Variants in ERBB4 observed in about 807,000 individuals in gnomAD.
The protein encoded by ERBB4 is receptor tyrosine-protein kinase erbB-4.
ERBB4 carries 42 observed loss-of-function variants against 158.0 expected under a neutral mutation model. The ratio of observed to expected loss-of-function variants is 0.27; its 90% CI spans 0.21 to 0.34. The LOEUF is 0.34. ERBB4 is among the 10% of genes least tolerant of loss of function. The pLI is 1.00. For missense variants in ERBB4, 1,333 were observed against 1,624.1 expected (o/e 0.82, Z 3.08); for synonymous variants, 583 against 558.7 (o/e 1.04, Z -0.61).
At chr2:211,491,543 A>C (rs2065343358) in intron 20 of ERBB4, among the ~76,000 whole-genome samples, 1 of 152,062 alleles carries the variant, frequency 6.6e-6, no homozygotes, top group South Asian at 2.1e-4. Flanking sequence ...CTCCATTCTA[A>C]TTATAAAACT....
At chr2:211,567,064 C>T (rs1407412153) in intron 19 of ERBB4, among the ~76,000 whole-genome samples, 1 of 152,180 alleles carries the variant, frequency 6.6e-6, no homozygotes, top group East Asian at 1.9e-4. Context: ...GCAATAACAT[C>T]TAATAATTAT....
chr2:211,454,311 T>A (rs2064325530), intron 20 of ERBB4, among the ~76,000 whole-genome samples: 1 of 152,214 alleles, frequency 6.6e-6, no homozygotes, highest in Non-Finnish European at 1.5e-5. Flanking sequence ...CTATTAATCC[T>A]TAAGAGCTTA....
chr2:211,540,579 T>C (rs2066778147), intron 20 of ERBB4, among the ~76,000 whole-genome samples: 2 of 151,878 alleles, frequency 1.3e-5, no homozygotes. Context: ...TTTTGTTTTT[T>C]TGGAGACAGA....
intron 20 of ERBB4, among the ~76,000 whole-genome samples, chr2:211,431,857 C>T (rs1160610751): frequency 1.3e-5 from 2 of 152,004 alleles, no homozygotes; most frequent in Non-Finnish European, 2.9e-5. Flanking sequence ...AGCTGGCTCT[C>T]CTCACAATAC....
intron 3 of ERBB4, among the ~76,000 whole-genome samples, chr2:211,889,568 C>T (rs947249211): frequency 3.8e-4 from 58 of 151,334 alleles, no homozygotes; most frequent in African/African-American, 7.3e-4. Context: ...ATGACTTTGA[C>T]GAGCTGAGAG....
chr2:211,568,516 G>T, intron 19 of ERBB4, among the ~76,000 whole-genome samples: 1 of 152,062 alleles, frequency 6.6e-6, no homozygotes, highest in East Asian at 1.9e-4. Flanking sequence ...AAGACAAAAG[G>T]GAAGAAACAA....
intron 16 of ERBB4, 140 bp downstream of exon 16, chr2:211,657,614 T>C: frequency 1.4e-6 from 1 of 731,048 alleles, no homozygotes; most frequent in Non-Finnish European, 2.5e-6. Flanking sequence ...GAAAGTGTTT[T>C]ATGCCTCTTT....
At chr2:211,729,948 G>T (rs7426163) in intron 5 of ERBB4, among the ~76,000 whole-genome samples, 4,235 of 151,882 alleles carry the variant, frequency 0.028, 259 homozygotes, top group East Asian at 0.19. Flanking sequence ...AAACTGGGAC[G>T]TTAAACTTCT....
chr2:211,700,679 A>T (rs976479184), intron 12 of ERBB4, among the ~76,000 whole-genome samples: 56 of 152,122 alleles, frequency 3.7e-4, no homozygotes, highest in African/African-American at 1.3e-3. Flanking sequence ...AGAGTTTATA[A>T]CTTTAAAAAA....
At chr2:211,992,757 G>T (rs1035803482) in intron 2 of ERBB4, among the ~76,000 whole-genome samples, 1 of 152,132 alleles carries the variant, frequency 6.6e-6, no homozygotes, top group African/African-American at 2.4e-5. Flanking sequence ...GAAATCATTT[G>T]AGTTTCCCTC....
intron 1 of ERBB4, among the ~76,000 whole-genome samples, chr2:212,467,719 A>T (rs1221496991): frequency 6.6e-6 from 1 of 152,202 alleles, no homozygotes; most frequent in African/African-American, 2.4e-5. Context: ...TCCTCCACAC[A>T]CAGTTCCTAC....
At chr2:211,608,120 A>C (rs1410892506) in intron 19 of ERBB4, among the ~76,000 whole-genome samples, 4 of 151,982 alleles carry the variant, frequency 2.6e-5, no homozygotes, top group African/African-American at 9.7e-5. Context: ...CTAATCTGAG[A>C]GTAAGAGTGA....
Position 211,706,784 on chromosome 2 carries a change from T to C in ERBB4, c.1125-1393A>G, listed in dbSNP as rs531376474. On this transcript the variant is annotated intron_variant, in intron 9 of 27. Transcript: ENST00000342788. ...TTCCCTATAATTCACACATAAACTA[T>C]TGATTAAAATTTTCTCAATGTCATA... Among the ~76,000 whole-genome samples, 36 of 152,272 alleles carry C rather than the reference T, an allele frequency of 2.4e-4. 1 individual carries two copies. The South Asian group carries it at 7.3e-3, about 31-fold the overall frequency.
intron 1 of ERBB4, among the ~76,000 whole-genome samples, chr2:212,421,322 C>A (rs1244859635): frequency 2.0e-5 from 3 of 152,070 alleles, no homozygotes; most frequent in Non-Finnish European, 4.4e-5. Flanking sequence ...CCACATTGTT[C>A]CTTCTGGAAA....
intron 1 of ERBB4, among the ~76,000 whole-genome samples, chr2:212,163,402 C>G (rs1342508979): frequency 1.3e-5 from 2 of 151,976 alleles, no homozygotes; most frequent in African/African-American, 4.8e-5. Context: ...ATTAATTTAA[C>G]CCAGTCAGTG....
chr2:212,148,030 G>T (rs1409276068), intron 1 of ERBB4, among the ~76,000 whole-genome samples: 1 of 151,908 alleles, frequency 6.6e-6, no homozygotes, highest in African/African-American at 2.4e-5. Context: ...TGCAGACTTT[G>T]TGTTAAATTT....
In ERBB4 at chr2:211,612,503, T is replaced by G. The variant is rs555633063; in HGVS notation, c.2301+6674A>C. ...GAAAGGGCTCTTTGAGAAAGCACACTTAAGCTGAGAAAATAAGGATAACTA... is the reference window on the plus strand; with the variant it reads ...GAAAGGGCTCTTTGAGAAAGCACACGTAAGCTGAGAAAATAAGGATAACTA... On this transcript the variant is annotated intron_variant, in intron 19 of 27. Coordinates refer to ENST00000342788, the MANE Select transcript of ERBB4 (RefSeq NM_005235.3). Among the ~76,000 whole-genome samples, 74 of 152,068 alleles carry G rather than the reference T, an allele frequency of 4.9e-4. 2 individuals are homozygous for G. The South Asian group carries it at 0.012, about 26-fold the overall frequency.
rs549333837 is a variant in ERBB4, at chr2:211,606,047, A to G, written c.2301+13130T>C. Among the ~76,000 whole-genome samples, 6 of 152,268 alleles carry G rather than the reference A, an allele frequency of 3.9e-5. No individual in the cohort carries two copies. In the East Asian group the frequency reaches 1.2e-3, roughly 29 times the overall value. On this transcript the variant is annotated intron_variant, in intron 19 of 27. Coordinates refer to ENST00000342788, the MANE Select transcript of ERBB4 (RefSeq NM_005235.3). Reference sequence around the variant, plus strand: ...TTTAAAAATTTTACTGAATTCACCCAGGAGTTTAAATTAAGTAAATTTTAG... The same window carrying G: ...TTTAAAAATTTTACTGAATTCACCCGGGAGTTTAAATTAAGTAAATTTTAG...
intron 2 of ERBB4, among the ~76,000 whole-genome samples, chr2:212,105,288 C>A (rs546399457): frequency 6.6e-5 from 10 of 152,114 alleles, no homozygotes; most frequent in Non-Finnish European, 1.5e-4. Flanking sequence ...CCAATGTTTT[C>A]CAAAGAGTGG....
Sources: gnomAD v4.1 joint callset for allele counts (sites outside exome capture counted in the v4.1 genomes callset) on GRCh38, gnomAD v4.1.1 for gene constraint, MANE v1.5 for transcripts, NCBI Gene and HGNC (gene_info 2026-07-23, HGNC 2026-07-21) for gene names.